Variants in SNRNP40 observed in about 807,000 individuals in gnomAD.
SNRNP40 encodes small nuclear ribonucleoprotein U5 subunit 40.
In SNRNP40, 21 loss-of-function variants were observed where a neutral mutation model predicts 45.8. The ratio of observed to expected loss-of-function variants is 0.46; its 90% confidence interval spans 0.32 to 0.66. The LOEUF (loss-of-function observed/expected upper bound fraction) is 0.66. Among genes scored for constraint, SNRNP40 ranks in the 30% least tolerant of loss-of-function variants. The pLI is 0.03. For synonymous variants in SNRNP40, 142 were observed against 163.8 expected (o/e 0.87, Z 1.01); for missense variants, 344 against 439.1 (o/e 0.78, Z 1.94).
At chr1:31,289,944 C>T (rs1159359241) in intron 3 of SNRNP40, among the ~76,000 whole-genome samples, 3 of 152,240 alleles carry the variant, frequency 2.0e-5, no homozygotes, top group Non-Finnish European at 4.4e-5. Context: ...ACTGCAGCCT[C>T]GACCTCCTGG....
chr1:31,261,617 C>T lies in SNRNP40; in HGVS notation c.936G>A (p.Trp312Ter). 6 of 1,613,546 alleles carry T rather than the reference C, an allele frequency of 3.7e-6. No individual in the cohort carries two copies. The highest frequency in any genetic ancestry group is 5.1e-6 in the Non-Finnish European group (6 of 1,179,558). ...ACAATATTCTCCTGCTTGTGGTATCCCACACATAAACAAACCTGTAAGGTA... is the reference window on the plus strand; with the variant it reads ...ACAATATTCTCCTGCTTGTGGTATCTCACACATAAACAAACCTGTAAGGTA... ...AGSADRFVYV[W>*]DTTSRRILYK... is the part of the protein sequence containing the mutation. Residue 312 changes from tryptophan (W) to a stop codon, truncating the protein, a stop_gained, in exon 9 of 10, where the codon TGG becomes TGA. Transcript: ENST00000263694. LOFTEE classifies it high-confidence loss of function.
Position 31,281,488 on chromosome 1 carries a change from G to A in SNRNP40, c.540C>T (p.Asp180=). ...TCTGGATGGCTGCTTTCTTCCGGATGTCCCAAAGCTGAAGCAAAGGACAAG... is the reference window on the plus strand; with the variant it reads ...TCTGGATGGCTGCTTTCTTCCGGATATCCCAAAGCTGAAGCAAAGGACAAG... ...GSDDGTVKLW[D]IRKKAAIQTF... is the part of the protein sequence containing the mutation. Residue 180 remains aspartate, a synonymous_variant, in exon 5 of 10, where the codon GAC becomes GAT. Transcript: ENST00000263694. 4 of 1,604,142 alleles carry A rather than the reference G, an allele frequency of 2.5e-6. No homozygotes were observed. Among genetic ancestry groups the A allele is most frequent in the Non-Finnish European group, 3.4e-6 (4 of 1,171,694 alleles).
Position 31,259,591 on chromosome 1 carries a change from T to G in SNRNP40, c.*481A>C. 1 of 348,224 alleles carries G rather than the reference T, an allele frequency of 2.9e-6. No individual in the cohort carries two copies. The highest frequency in any genetic ancestry group is 5.5e-6 in the Non-Finnish European group (1 of 181,756). The allele number at this position is 348,224 out of a possible 1,614,324, so 21.6% of individuals were successfully genotyped here. On this transcript the variant is annotated 3_prime_UTR_variant, in exon 10 of 10. Coordinates refer to ENST00000263694, the MANE Select transcript of SNRNP40 (RefSeq NM_004814.3). ...TCTTGGAAGTTTAAATGAATTGTAT[T>G]CTGTGGCCACATCATGCTCTATTCT...
chr1:31,281,666 T>C (rs959771171), intron 4 of SNRNP40, 170 bp from the exon 5 acceptor site: 13 of 483,996 alleles, frequency 2.7e-5, no homozygotes, highest in Non-Finnish European at 4.1e-5. Context: ...AGCAGTGTGC[T>C]CAATTTTGCC....
chr1:31,269,288 C>T, intron 6 of SNRNP40, 48 bp from the exon 7 acceptor site: 1 of 1,608,740 alleles, frequency 6.2e-7, no homozygotes, highest in Non-Finnish European at 8.5e-7. Flanking sequence ...AACTATCGGC[C>T]AGAGGCCTCC....
In SNRNP40 at chr1:31,285,509, G is replaced by T. The variant is rs376194063; in HGVS notation, c.531+3745C>A. Among the ~76,000 whole-genome samples the T allele has an allele frequency of 2.0e-5, 3 of 152,076 alleles. No homozygotes were observed. The East Asian group carries it at 5.8e-4, about 29-fold the overall frequency. On this transcript the variant is annotated intron_variant, in intron 4 of 9. Coordinates refer to ENST00000263694, the MANE Select transcript of SNRNP40 (RefSeq NM_004814.3). ...CTGCCTAGGCCTCCCAAAGTGCTAG[G>T]ATTACAGGCATAAGCCACTGCACCT...
In SNRNP40 at chr1:31,261,539, A is replaced by T; in HGVS notation, c.1014T>A (p.Asp338Glu). The change falls in exon 9 of 10, where the codon GAT becomes GAA. Residue 338 changes from aspartate to glutamate, a missense_variant. Asp to Glu is a conservative substitution (Grantham distance 45). This residue lies in a region of SNRNP40 where 254 missense variants were observed against 380.2 expected (regional missense o/e 0.67). Coordinates refer to ENST00000263694, the MANE Select transcript of SNRNP40 (RefSeq NM_004814.3). ...TTGGGACAGACTTACTGATGGGCTCATCAGGGTGGAAAGCCACTTCATTGA... is the reference window on the plus strand; with the variant it reads ...TTGGGACAGACTTACTGATGGGCTCTTCAGGGTGGAAAGCCACTTCATTGA... Reference protein sequence around the residue: ...GSINEVAFHPDEPIIISASSD... With the variant: ...GSINEVAFHPEEPIIISASSD... 6.2e-7 allele frequency: 1 copy of T among 1,611,528 alleles called. No individual in the cohort carries two copies. The highest frequency in any genetic ancestry group is 8.5e-7 in the Non-Finnish European group (1 of 1,177,654).
rs768793687 is a variant in SNRNP40 at position 31,267,975 on chromosome 1, C to T, written c.859-43G>A. ...CCACTGAATAGTAATATACCAAACT[C>T]CTCTTTGCAAGGCTACCGAATCACT... On this transcript the variant is annotated intron_variant, in intron 7 of 9. Transcript: ENST00000263694. 2.0e-5 allele frequency: 28 copies of T among 1,406,398 alleles called. No individual in the cohort carries two copies. The South Asian group carries it at 2.9e-4, about 15-fold the overall frequency. The allele number at this position is 1,406,398 out of a possible 1,614,324, so 87.1% of individuals were successfully genotyped here.
rs1233331790 is a variant in SNRNP40, at chr1:31,291,979, TCA to T, written c.297_298del (p.Cys99Ter). On this transcript the variant is annotated stop_gained and frameshift_variant, in exon 3 of 10. Transcript: ENST00000263694. LOFTEE classifies it high-confidence loss of function. Reference sequence around the variant, plus strand: ...GTGTCCCTTCAGTGTGGCATAGTTATCACAGTCACCATAGACATTCCACAGTA... The same window carrying T: ...GTGTCCCTTCAGTGTGGCATAGTTATCAGTCACCATAGACATTCCACAGTA... The T allele has an allele frequency of 1.2e-6, 2 of 1,612,512 alleles. No homozygotes were observed. Among genetic ancestry groups the T allele is most frequent in the Non-Finnish European group, 1.7e-6 (2 of 1,178,636 alleles).
At chr1:31,282,468 T>C (rs1205735219) in intron 4 of SNRNP40, 2 of 46,148 alleles carry the variant, frequency 4.3e-5, no homozygotes, top group African/African-American at 1.0e-4. Flanking sequence ...TATTCCTGGC[T>C]ATCTATCTAT....
chr1:31,285,445 G>A (rs370849327), intron 4 of SNRNP40, among the ~76,000 whole-genome samples: 1 of 151,968 alleles, frequency 6.6e-6, no homozygotes, highest in African/African-American at 2.4e-5. Flanking sequence ...CTTCAAGTTG[G>A]CCAGGCTGGT....
chr1:31,260,919 T>G, intron 9 of SNRNP40: 1 of 902,102 alleles, frequency 1.1e-6, no homozygotes, highest in Non-Finnish European at 1.4e-6. Flanking sequence ...TGAAACAGAC[T>G]TGATGGAAGT....
At chr1:31,279,445 C>T (rs1326579477) in intron 5 of SNRNP40, among the ~76,000 whole-genome samples, 2 of 152,214 alleles carry the variant, frequency 1.3e-5, no homozygotes, top group African/African-American at 2.4e-5. Context: ...CCACCACCAT[C>T]ATCATCCTTT....
At chr1:31,280,113 CA>C (rs577919252) in intron 5 of SNRNP40, among the ~76,000 whole-genome samples, 19,370 of 66,922 alleles carry the variant, frequency 0.29, 977 homozygotes, top group East Asian at 0.44. Flanking sequence ...GACTCTGACT[CA>C]AAAAAAAAAA....
rs1471839862 is a variant in SNRNP40 at position 31,271,406 on chromosome 1, G to T, written c.748C>A (p.Leu250Ile). The T allele has an allele frequency of 1.9e-6, 3 of 1,613,888 alleles. No individual in the cohort carries two copies. Among genetic ancestry groups the T allele is most frequent in the Non-Finnish European group, 2.5e-6 (3 of 1,179,936 alleles). ...GLSLSSEGSY[L>I]LSNAMDNTVR... is the part of the protein sequence containing the mutation. ...GTATTGTCCATTGCATTGGACAAAA[G>T]ATAAGAGCCTTCAGAACTTAAACTC... Residue 250 changes from leucine to isoleucine, a missense_variant, in exon 6 of 10, where the codon CTT (leucine) becomes ATT (isoleucine). Physicochemically the swap from Leu to Ile is conservative, Grantham distance 5. Coordinates refer to ENST00000263694, the MANE Select transcript of SNRNP40 (RefSeq NM_004814.3).
At chr1:31,293,752 T>G (rs1169329494) in intron 1 of SNRNP40, among the ~76,000 whole-genome samples, 2 of 152,096 alleles carry the variant, frequency 1.3e-5, no homozygotes, top group Admixed American at 6.5e-5. Context: ...ATGCTAATTT[T>G]TTTAGTTTTT....
chr1:31,262,779 G>T (rs370465665), intron 8 of SNRNP40, among the ~76,000 whole-genome samples: 4 of 151,868 alleles, frequency 2.6e-5, no homozygotes, highest in Admixed American at 6.6e-5. Flanking sequence ...TAGCACTTTG[G>T]GGGGCCAAGG....
chr1:31,273,481 A>T (rs966940149), intron 5 of SNRNP40, among the ~76,000 whole-genome samples: 1 of 152,164 alleles, frequency 6.6e-6, no homozygotes, highest in Non-Finnish European at 1.5e-5. Context: ...TCTACTAAAA[A>T]TACAAAAAAT....
chr1:31,293,312 T>G lies in SNRNP40; in HGVS notation c.178A>C (p.Met60Leu), dbSNP rs983560004. 3 of 1,613,494 alleles carry G rather than the reference T, an allele frequency of 1.9e-6. No individual in the cohort carries two copies. The highest frequency in any genetic ancestry group is 2.5e-6 in the Non-Finnish European group (3 of 1,179,878). The change falls in exon 2 of 10, where the codon ATG (methionine) becomes CTG (leucine). Residue 60 changes from methionine (M) to leucine (L), a missense_variant. By Grantham distance (15) the Met-to-Leu change is conservative (BLOSUM62 2). Transcript: ENST00000263694. ...PRCSSLQAPIMLLSGHEGEVY... is the reference protein window; with the variant it reads ...PRCSSLQAPILLLSGHEGEVY... Reference sequence around the variant, plus strand: ...TCCCCTTCATGTCCAGAGAGCAGCATGATTGGGGCTTGAAGGGAGGAACAT... The same window carrying G: ...TCCCCTTCATGTCCAGAGAGCAGCAGGATTGGGGCTTGAAGGGAGGAACAT...
Sources: gnomAD v4.1 joint callset for allele counts (sites outside exome capture counted in the v4.1 genomes callset) on GRCh38, gnomAD v4.1.1 for gene constraint, gnomAD v4.1.1 regional missense constraint, MANE v1.5 for transcripts, NCBI Gene and HGNC (gene_info 2026-07-23, HGNC 2026-07-21) for gene names.